The following SNX13 variants were observed in gnomAD, a reference collection of about 807,000 sequenced individuals.
SNX13 encodes sorting nexin-13.
A neutral mutation model predicts 133.6 loss-of-function variants in SNX13; 45 were observed. That is an observed-to-expected ratio of 0.34 (90% CI 0.27 to 0.43). SNX13 has a LOEUF of 0.43. SNX13 is among the 20% of genes least tolerant of loss of function. SNX13 has a pLI of 1.00. For synonymous variants in SNX13, 414 were observed against 373.9 expected (o/e 1.11, Z -1.24); for missense variants, 1,032 against 1,145.1 (o/e 0.90, Z 1.43).
At chr7:17,800,783 C>T (rs1018564076) in intron 22 of SNX13, among the ~76,000 whole-genome samples, 1 of 151,356 alleles carries the variant, frequency 6.6e-6, no homozygotes, top group Admixed American at 6.6e-5. Context: ...TAAGACAGAA[C>T]ATTCAAATGG....
rs529584245 is a variant in SNX13 at position 17,808,672 on chromosome 7, A to C, written c.2065-5092T>G. On this transcript the variant is annotated intron_variant, in intron 20 of 25. Transcript: ENST00000428135. ...TAATTGTCAGATTCACCAAGGTTGA[A>C]ATGAAGGAAAAAATGTTAAGGGCAG... Among the ~76,000 whole-genome samples, 18 of 152,302 alleles carry C rather than the reference A, an allele frequency of 1.2e-4. No homozygotes were observed. In the South Asian group the frequency reaches 1.7e-3, roughly 14 times the overall value.
intron 18 of SNX13, among the ~76,000 whole-genome samples, chr7:17,817,347 G>A (rs978751443): frequency 6.6e-6 from 1 of 152,152 alleles, no homozygotes; most frequent in Non-Finnish European, 1.5e-5. Flanking sequence ...AATTCAAACA[G>A]CCTTACCACT....
rs1269390265 is a variant in SNX13, at chr7:17,821,654, A to G, written c.1706-6T>C. ...GCCATGATCATTACAAACGCCTGCC[A>G]CAGCATATGGGTCATAGTCAGCATA... On this transcript the variant is annotated splice_polypyrimidine_tract_variant and splice_region_variant and intron_variant, in intron 17 of 25. Transcript: ENST00000428135. The G allele has an allele frequency of 8.7e-6, 14 of 1,613,240 alleles. No individual in the cohort carries two copies. The highest frequency in any genetic ancestry group is 1.7e-5 in the Admixed American group (1 of 59,950).
chr7:17,930,546 T>C (rs2128046846), intron 1 of SNX13, among the ~76,000 whole-genome samples: 1 of 152,358 alleles, frequency 6.6e-6, no homozygotes, highest in East Asian at 1.9e-4. Context: ...GTTATTAATT[T>C]CTGGAATTTC....
chr7:17,906,624 A>G (rs532463866), intron 1 of SNX13, among the ~76,000 whole-genome samples: 38 of 152,158 alleles, frequency 2.5e-4, no homozygotes, highest in Non-Finnish European at 5.0e-4. Flanking sequence ...TAGAGCAAGA[A>G]TCAATGATCA....
In SNX13 at chr7:17,887,782, A is replaced by T. The variant is rs550486420; in HGVS notation, c.440+2581T>A. 5.3e-5 allele frequency among the ~76,000 whole-genome samples: 8 copies of T among 152,124 alleles called. No individual in the cohort carries two copies. In the South Asian group the frequency reaches 1.7e-3, roughly 32 times the overall value. ...TGATGAATAAATACAAACACTAGAA[A>T]TCATGGGTTCTAAACATTTTCTGAG... On this transcript the variant is annotated intron_variant, in intron 5 of 25. Transcript: ENST00000428135.
intron 25 of SNX13, chr7:17,796,228 T>A (rs1227039737): frequency 6.6e-6 from 1 of 151,840 alleles, no homozygotes; most frequent in Non-Finnish European, 1.5e-5. Context: ...GTGAGATAGC[T>A]ATACCCTAAT....
In SNX13 at chr7:17,791,382, T is replaced by G. The variant is rs565404417; in HGVS notation, c.*2663A>C. On this transcript the variant is annotated 3_prime_UTR_variant, in exon 26 of 26. Coordinates refer to ENST00000428135, the MANE Select transcript of SNX13 (RefSeq NM_015132.5). ...CTGAAATATTCAAGAAAGTTTTTGT[T>G]TTTTTTTTTTTTAAAAAAATTAAGG... is the stretch of plus-strand genomic sequence containing the variant. The G allele has an allele frequency of 2.0e-5, 3 of 149,266 alleles. No homozygotes were observed. Among genetic ancestry groups the G allele is most frequent in the Non-Finnish European group, 3.0e-5 (2 of 66,832 alleles). 9.2% of individuals were successfully genotyped at this position (149,266 alleles called of 1,614,324 possible).
At chr7:17,864,885 C>T (rs1395279821) in intron 9 of SNX13, among the ~76,000 whole-genome samples, 2 of 152,026 alleles carry the variant, frequency 1.3e-5, no homozygotes, top group Admixed American at 6.6e-5. Context: ...AGCTCTGATA[C>T]GTCTGGCAGC....
At chr7:17,911,348 A>C (rs1489280628) in intron 1 of SNX13, among the ~76,000 whole-genome samples, 1 of 152,190 alleles carries the variant, frequency 6.6e-6, no homozygotes, top group Non-Finnish European at 1.5e-5. Flanking sequence ...TAGAAAGCTA[A>C]ACATAATTGC....
At chr7:17,820,927 T>G (rs1196686245) in intron 18 of SNX13, among the ~76,000 whole-genome samples, 1 of 152,138 alleles carries the variant, frequency 6.6e-6, no homozygotes. Flanking sequence ...GGGAAATAAT[T>G]TCTTTAGATT....
chr7:17,839,138 T>A (rs1789545275), intron 13 of SNX13, among the ~76,000 whole-genome samples: 1 of 149,504 alleles, frequency 6.7e-6, no homozygotes, highest in Non-Finnish European at 1.5e-5. Context: ...AATAAAATAA[T>A]CTATACAATC....
chr7:17,844,811 A>C (rs1790303601), intron 12 of SNX13, among the ~76,000 whole-genome samples: 1 of 152,076 alleles, frequency 6.6e-6, no homozygotes, highest in Non-Finnish European at 1.5e-5. Context: ...ATCTTAATTG[A>C]TGCACAAAAA....
intron 1 of SNX13, among the ~76,000 whole-genome samples, chr7:17,930,470 T>C (rs1801274448): frequency 6.6e-6 from 1 of 152,222 alleles, no homozygotes. Flanking sequence ...AGTATAAAGA[T>C]AATCTTTCAT....
At chr7:17,910,273 A>G (rs1410727380) in intron 1 of SNX13, among the ~76,000 whole-genome samples, 1 of 152,250 alleles carries the variant, frequency 6.6e-6, no homozygotes, top group Non-Finnish European at 1.5e-5. Flanking sequence ...CTCAGTTTGA[A>G]TGAAAGGAAT....
rs547176347 is a variant in SNX13, at chr7:17,806,340, T to A, written c.2065-2760A>T. On this transcript the variant is annotated intron_variant, in intron 20 of 25. Transcript: ENST00000428135. ...GATACATTGTGTGACCAAATTAATG[T>A]GTTATAAAGTATTATTTCTCAAGTT... Among the ~76,000 whole-genome samples the A allele has an allele frequency of 3.9e-5, 6 of 152,324 alleles. No individual in the cohort carries two copies. In the East Asian group the frequency reaches 9.7e-4, roughly 25 times the overall value.
chr7:17,816,824 A>T (rs967117729), intron 18 of SNX13, among the ~76,000 whole-genome samples: 20 of 152,220 alleles, frequency 1.3e-4, no homozygotes, highest in Non-Finnish European at 2.5e-4. Context: ...AGAATGACAG[A>T]TTTGCATAAA....
chr7:17,898,190 C>T (rs1246912560), intron 1 of SNX13: 1 of 151,934 alleles, frequency 6.6e-6, no homozygotes, highest in Non-Finnish European at 1.5e-5. Flanking sequence ...TGAATAAATA[C>T]ATGTGTTCAA....
At chr7:17,888,621 A>G (rs1218509170) in intron 5 of SNX13, 3 of 463,730 alleles carry the variant, frequency 6.5e-6, no homozygotes, top group African/African-American at 6.0e-5. Context: ...TAAAAACTTA[A>G]ATTTCTAAAT....
Sources: gnomAD v4.1 joint callset for allele counts (sites outside exome capture counted in the v4.1 genomes callset) on GRCh38, gnomAD v4.1.1 for gene constraint, MANE v1.5 for transcripts, NCBI Gene and HGNC (gene_info 2026-07-23, HGNC 2026-07-21) for gene names.